Variants in AGBL1 observed in about 807,000 individuals in gnomAD.
The protein encoded by AGBL1 is AGBL carboxypeptidase 1.
In AGBL1, 130 loss-of-function variants were observed where a neutral mutation model predicts 118.9. That is an observed-to-expected ratio of 1.09 (90% CI 0.95 to 1.26). The LOEUF (loss-of-function observed/expected upper bound fraction) is 1.26. Among genes scored for constraint, AGBL1 ranks in the 50% most tolerant of loss-of-function variants. AGBL1 has a pLI of 0.00. For synonymous variants in AGBL1, 555 were observed against 478.9 expected, an observed-to-expected ratio of 1.16 and a Z score of -2.08; for missense variants, 1,584 against 1,298.1, an observed-to-expected ratio of 1.22 and a Z score of -3.38.
intron 17 of AGBL1, among the ~76,000 whole-genome samples, chr15:86,311,050 T>C (rs1314616680): frequency 6.6e-6 from 1 of 152,146 alleles, no homozygotes; most frequent in African/African-American, 2.4e-5. Flanking sequence ...CTTGCAGCCC[T>C]CAGAACAGAA....
chr15:86,207,408 A>G (rs141088266), intron 5 of AGBL1, among the ~76,000 whole-genome samples: 92,524 of 152,016 alleles, frequency 0.61, 30,202 homozygotes, highest in African/African-American at 0.84. Flanking sequence ...TGGGCAGTAT[A>G]GCCATTTTCA....
intron 21 of AGBL1, among the ~76,000 whole-genome samples, chr15:86,556,790 AG>A (rs1243446862): frequency 2.0e-5 from 3 of 152,334 alleles, no homozygotes; most frequent in African/African-American, 7.2e-5. Flanking sequence ...TTTATCCAAA[AG>A]ATGGAGGATA....
rs182513554 is a variant in AGBL1, at chr15:86,229,875, G to A, written c.526+4924G>A. Among the ~76,000 whole-genome samples, 39 of 152,286 alleles carry A rather than the reference G, an allele frequency of 2.6e-4. 1 individual carries two copies. Among genetic ancestry groups the A allele is most frequent in the East Asian group, 1.9e-3 (10 of 5,190 alleles). ...GGTCATATTCTTGCAACAAGAAAAC[G>A]CCTTCTGGTTCAGGCCCTAAAACTT... On this transcript the variant is annotated intron_variant, in intron 6 of 22. Transcript: ENST00000614907.
In AGBL1 at chr15:86,874,094, G is replaced by C. The variant is rs76692471; in HGVS notation, c.3159-32993G>C. 2.4e-3 allele frequency among the ~76,000 whole-genome samples: 359 copies of C among 152,206 alleles called. 1 individual carries two copies. The highest frequency in any genetic ancestry group is 8.3e-3 in the African/African-American group (345 of 41,506). On this transcript the variant is annotated intron_variant, in intron 22 of 22. Coordinates refer to ENST00000614907, the MANE Select transcript of AGBL1 (RefSeq NM_001386094.1). Reference sequence around the variant, plus strand: ...TGAGGTGAGGGTCAAGTCTGATTCAGCTATGGAAGTGCTTTGTTAATCATA... The same window carrying C: ...TGAGGTGAGGGTCAAGTCTGATTCACCTATGGAAGTGCTTTGTTAATCATA...
chr15:86,956,939 GA>G (rs2080937514), intron 23 of AGBL1, among the ~76,000 whole-genome samples: 1 of 152,068 alleles, frequency 6.6e-6, no homozygotes, highest in South Asian at 2.1e-4. Flanking sequence ...TGTGTATACA[GA>G]ATGAATTAAA....
chr15:86,462,155 G>C (rs2082342181), intron 18 of AGBL1, among the ~76,000 whole-genome samples: 1 of 152,150 alleles, frequency 6.6e-6, no homozygotes, highest in African/African-American at 2.4e-5. Context: ...AGAGATCTAG[G>C]TTGAAATTCT....
chr15:86,684,621 C>G (rs528040422), intron 22 of AGBL1, among the ~76,000 whole-genome samples: 1 of 151,902 alleles, frequency 6.6e-6, no homozygotes, highest in African/African-American at 2.4e-5. Context: ...ACACCTGACC[C>G]GTAGCATAGT....
intron 20 of AGBL1, among the ~76,000 whole-genome samples, chr15:86,551,897 A>G (rs1165372546): frequency 6.6e-6 from 1 of 152,212 alleles, no homozygotes; most frequent in African/African-American, 2.4e-5. Context: ...AAAAGGCTAC[A>G]TACTGTATTT....
intron 22 of AGBL1, among the ~76,000 whole-genome samples, chr15:86,720,051 T>C (rs948999882): frequency 1.3e-5 from 2 of 152,222 alleles, no homozygotes; most frequent in Non-Finnish European, 2.9e-5. Flanking sequence ...TTATTTTCTA[T>C]CTTAAGTGAT....
intron 17 of AGBL1, among the ~76,000 whole-genome samples, chr15:86,342,675 A>G (rs544098982): frequency 8.6e-4 from 131 of 152,282 alleles, no homozygotes; most frequent in African/African-American, 3.1e-3. Flanking sequence ...TCTGCCCCAT[A>G]CTAACTGTGT....
Position 86,933,710 on chromosome 15 carries a change from C to T in AGBL1, c.3222-54277C>T, listed in dbSNP as rs145402935. Among the ~76,000 whole-genome samples the T allele has an allele frequency of 8.4e-4, 128 of 152,318 alleles. 2 individuals carry two copies. In the East Asian group the frequency reaches 0.023, roughly 28 times the overall value. On this transcript the variant is annotated intron_variant, in intron 23 of 24. Transcript: ENST00000441037. ...CCTGCCTGTGTTTTATTTCACTCTA[C>T]CCACTTTCCGTGTATCCGGTTCCTT... is the stretch of plus-strand genomic sequence containing the variant.
At chr15:86,206,225 T>A (rs1414684942) in intron 5 of AGBL1, among the ~76,000 whole-genome samples, 3 of 152,236 alleles carry the variant, frequency 2.0e-5, no homozygotes, top group Non-Finnish European at 2.9e-5. Flanking sequence ...ATTGGACATT[T>A]GGGTTGGTTC....
intron 1 of AGBL1, among the ~76,000 whole-genome samples, chr15:86,135,295 G>A (rs969320009): frequency 1.3e-5 from 2 of 152,174 alleles, no homozygotes; most frequent in Admixed American, 6.5e-5. Flanking sequence ...ACACTTTCAC[G>A]AAAAGCAGAT....
At chr15:86,958,169 C>T (rs2080951632) in intron 23 of AGBL1, among the ~76,000 whole-genome samples, 3 of 149,564 alleles carry the variant, frequency 2.0e-5, no homozygotes, top group East Asian at 3.9e-4. Context: ...TGTGCCACTG[C>T]ACTCCAGCCT....
Position 86,706,939 on chromosome 15 carries a change from TAA to T in AGBL1, c.3158+32504_3158+32505del, listed in dbSNP as rs977599058. Among the ~76,000 whole-genome samples the T allele has an allele frequency of 1.1e-4, 16 of 152,198 alleles. 1 individual carries two copies. The highest frequency in any genetic ancestry group is 1.0e-3 in the South Asian group (5 of 4,826). On this transcript the variant is annotated intron_variant, in intron 22 of 22. Coordinates refer to ENST00000614907, the MANE Select transcript of AGBL1 (RefSeq NM_001386094.1). ...TTTTCCTATGGAGAGTAAAAAGGGA[TAA>T]GAGTGGAAAACGTAGTCAAAAGGGA...
At chr15:86,107,790 G>A (rs992042930) in intron 1 of AGBL1, 7 of 152,252 alleles carry the variant, frequency 4.6e-5, no homozygotes, top group Non-Finnish European at 4.4e-5. Context: ...TGATTCAAGA[G>A]GTTCATGGAT....
Position 86,634,095 on chromosome 15 carries a change from C to T in AGBL1, c.2995-40178C>T, listed in dbSNP as rs538887444. ...TGGCAAGGACGTGGGGAAATTGGAG[C>T]CCTCATACTCTGATGGCGAGAATGT... On this transcript the variant is annotated intron_variant, in intron 21 of 22. Transcript: ENST00000614907. Among the ~76,000 whole-genome samples the T allele has an allele frequency of 4.6e-5, 7 of 152,026 alleles. No homozygotes were observed. In the South Asian group the frequency reaches 6.2e-4, roughly 14 times the overall value.
chr15:86,867,673 G>C (rs1410421495), intron 22 of AGBL1, among the ~76,000 whole-genome samples: 3 of 152,090 alleles, frequency 2.0e-5, no homozygotes, highest in African/African-American at 7.2e-5. Context: ...TATAGTGCTA[G>C]ATATTTTAGG....
intron 21 of AGBL1, among the ~76,000 whole-genome samples, chr15:86,578,309 A>G (rs1342782445): frequency 1.3e-5 from 2 of 152,192 alleles, no homozygotes; most frequent in African/African-American, 4.8e-5. Flanking sequence ...TAGCCCCTTC[A>G]TTTTGGCCAA....
Sources: allele counts gnomAD v4.1 joint callset (sites outside exome capture counted in the v4.1 genomes callset), GRCh38; gene constraint gnomAD v4.1.1; transcripts MANE v1.5; gene names NCBI Gene and HGNC (gene_info 2026-07-23, HGNC 2026-07-21).